NBPF15: variants seen among roughly 807,000 people sequenced by gnomAD.
NBPF15 encodes the protein NBPF member 15, also known as NBPF family member NBPF15.
Under a neutral mutation model 62.2 loss-of-function variants are expected in NBPF15, and 74 were observed. The ratio of observed to expected loss-of-function variants is 1.19; its 90% confidence interval spans 0.99 to 1.44. NBPF15 has a LOEUF of 1.44. Ranked by LOEUF, NBPF15 falls within the 40% of genes most tolerant of loss-of-function variation. NBPF15 has a pLI of 0.00. For missense variants in NBPF15, 790 were observed against 550.0 expected, an observed-to-expected ratio of 1.44 and a Z score of -4.36; for synonymous variants, 244 against 209.7, an observed-to-expected ratio of 1.16 and a Z score of -1.41.
chr1:144,458,764 G>C (rs1287532196), intron 3 of NBPF15, among the ~76,000 whole-genome samples: 1 of 152,180 alleles, frequency 6.6e-6, no homozygotes, highest in African/African-American at 2.4e-5. Context: ...TCATAGCCGG[G>C]TGGGGTGGCT....
chr1:144,441,587 C>A (rs1437987163), intron 6 of NBPF15, among the ~76,000 whole-genome samples: 1 of 148,880 alleles, frequency 6.7e-6, no homozygotes, highest in East Asian at 2.0e-4. Flanking sequence ...CTAGAGATAG[C>A]GTTTAAGTTG....
intron 14 of NBPF15, among the ~76,000 whole-genome samples, chr1:144,429,068 A>C (rs1482910649): frequency 6.6e-6 from 1 of 151,974 alleles, no homozygotes; most frequent in Admixed American, 6.6e-5. Context: ...GGTGCAATGT[A>C]CCAGCTCTTG....
At chr1:144,455,724 G>A (rs1234527039) in intron 4 of NBPF15, among the ~76,000 whole-genome samples, 7 of 152,010 alleles carry the variant, frequency 4.6e-5, no homozygotes, top group Admixed American at 2.0e-4. Flanking sequence ...CCTGGTGGAC[G>A]GCCACGTGAG....
At chr1:144,432,659 C>T (rs1366373807) in intron 13 of NBPF15, among the ~76,000 whole-genome samples, 3 of 151,466 alleles carry the variant, frequency 2.0e-5, no homozygotes, top group Admixed American at 6.6e-5. Flanking sequence ...GGTTGCAATC[C>T]TAGTCTCTGA....
intron 20 of NBPF15, 111 bp from the exon 21 acceptor site, chr1:144,424,086 C>G (rs1342689785): frequency 6.4e-5 from 48 of 754,348 alleles, no homozygotes; most frequent in African/African-American, 3.8e-4. Flanking sequence ...CATAAGAATA[C>G]GACACCATGA....
At chr1:144,432,777 C>T (rs1178488846) in intron 13 of NBPF15, among the ~76,000 whole-genome samples, 50 of 151,796 alleles carry the variant, frequency 3.3e-4, no homozygotes, top group African/African-American at 1.2e-3. Flanking sequence ...ATATATGCAC[C>T]CTATACAGGA....
intron 3 of NBPF15, among the ~76,000 whole-genome samples, chr1:144,457,970 C>A (rs1453121951): frequency 2.0e-5 from 3 of 151,460 alleles, no homozygotes; most frequent in African/African-American, 7.3e-5. Context: ...GCCTGTAGAC[C>A]CAGCTACTAA....
intron 6 of NBPF15, chr1:144,442,513 C>G (rs1455171381): frequency 6.6e-6 from 1 of 150,804 alleles, no homozygotes; most frequent in Non-Finnish European, 1.5e-5. Context: ...CTGCATCGAG[C>G]TCTCCGCCTC....
intron 14 of NBPF15, among the ~76,000 whole-genome samples, chr1:144,429,225 G>C (rs1286003084): frequency 4.0e-5 from 6 of 150,004 alleles, no homozygotes; most frequent in Admixed American, 3.9e-4. Flanking sequence ...CAGAAAATGG[G>C]AATAAATTCA....
At chr1:144,457,142 C>T (rs1648537988) in intron 3 of NBPF15, among the ~76,000 whole-genome samples, 1 of 151,908 alleles carries the variant, frequency 6.6e-6, no homozygotes, top group Non-Finnish European at 1.5e-5. Flanking sequence ...CACCACTGAA[C>T]TCCAGCCTGG....
intron 4 of NBPF15, among the ~76,000 whole-genome samples, chr1:144,453,638 C>CAAAAAAAA (rs200525708): frequency 3.6e-4 from 13 of 36,400 alleles, no homozygotes; most frequent in East Asian, 1.2e-3. Flanking sequence ...CAACACAAAG[C>CAAAAAAAA]AAAAAAAAAA....
chr1:144,457,160 A>G (rs1182011386), intron 3 of NBPF15, among the ~76,000 whole-genome samples: 4 of 152,000 alleles, frequency 2.6e-5, no homozygotes, highest in African/African-American at 9.7e-5. Context: ...TGGGGGAAAA[A>G]AAAATAAAGA....
At chr1:144,442,162 G>GTA (rs368550343) in intron 6 of NBPF15, among the ~76,000 whole-genome samples, 7 of 31,510 alleles carry the variant, frequency 2.2e-4, no homozygotes, top group African/African-American at 4.9e-4. Flanking sequence ...ATATACACGT[G>GTA]TATATATATA....
Position 144,423,041 on chromosome 1 carries a change from A to G in NBPF15, c.1985T>C (p.Phe662Ser), listed in dbSNP as rs782440893. ...TTGTGGGAATATGACTCCCATCTGG[A>G]ACACCAGGTGGAGACTTGTCACCGT... The part of the protein sequence containing the change: ...TLTVTSLHLV[F>S]QMGVIFPQ Residue 662 changes from phenylalanine to serine, a missense_variant, in exon 22 of 22, where the codon TTC (phenylalanine) becomes TCC (serine). By Grantham distance (155) the Phe-to-Ser change is radical. Transcript: ENST00000581897. 6.2e-7 allele frequency: 1 copy of G among 1,611,650 alleles called. No homozygotes were observed. The highest frequency in any genetic ancestry group is 8.5e-7 in the Non-Finnish European group (1 of 1,179,640).
At position 144,422,813 on chromosome 1, in the gene NBPF15, G is replaced by C. The variant is rs1359762456; in HGVS notation, c.*200C>G. On this transcript the variant is annotated 3_prime_UTR_variant, in exon 22 of 22. Coordinates refer to ENST00000581897, the MANE Select transcript of NBPF15 (RefSeq NM_001385408.1). ...GCATGTTCTGCACAGTTATGTGAAC[G>C]TGTCACACCTAACATGGGTCCATTG... The C allele has an allele frequency of 1.5e-6, 2 of 1,319,030 alleles. No homozygotes were observed. The highest frequency in any genetic ancestry group is 2.1e-6 in the Non-Finnish European group (2 of 958,194). The allele number at this position is 1,319,030 out of a possible 1,614,324, so 81.7% of individuals were successfully genotyped here. A position where few individuals can be genotyped will look rare whatever the true frequency, so the allele number is the denominator to read the frequency against.
At position 144,456,579 on chromosome 1, in the gene NBPF15, G is replaced by A. The variant is rs1391209797; in HGVS notation, c.-474C>T. The A allele has an allele frequency of 9.3e-5, 140 of 1,508,902 alleles. 3 individuals carry two copies. The highest frequency in any genetic ancestry group is 1.2e-4 in the Non-Finnish European group (139 of 1,120,678). 93.5% of individuals were successfully genotyped at this position (1,508,902 alleles called of 1,614,324 possible). On this transcript the variant is annotated 5_prime_UTR_variant, in exon 4 of 22. Coordinates refer to ENST00000581897, the MANE Select transcript of NBPF15 (RefSeq NM_001385408.1). ...TCTTCATTCAGCCCACACCGTGTGAGGTTGCTCTTGGTGCACCGAATGGGG... is the reference window on the plus strand; with the variant it reads ...TCTTCATTCAGCCCACACCGTGTGAAGTTGCTCTTGGTGCACCGAATGGGG...
At chr1:144,456,354 C>A (rs1362433322) in intron 4 of NBPF15, among the ~76,000 whole-genome samples, 183 bp downstream of exon 4, 1 of 151,996 alleles carries the variant, frequency 6.6e-6, no homozygotes, top group Non-Finnish European at 1.5e-5. Flanking sequence ...CACTGCAGGT[C>A]GAGGGTGGCA....
chr1:144,430,119 C>T (rs1164485835), intron 13 of NBPF15, among the ~76,000 whole-genome samples: 1 of 150,488 alleles, frequency 6.6e-6, no homozygotes, highest in Admixed American at 6.6e-5. Context: ...CAGACTCTCC[C>T]TGTAAACTAC....
chr1:144,439,725 A>C, intron 8 of NBPF15, 104 bp downstream of exon 8: 1 of 812,018 alleles, frequency 1.2e-6, no homozygotes, highest in Non-Finnish European at 2.1e-6. Flanking sequence ...TCCTAGAAGT[A>C]CAGGAAGGAT....
Sources: allele counts gnomAD v4.1 joint callset (sites outside exome capture counted in the v4.1 genomes callset), GRCh38; gene constraint gnomAD v4.1.1; transcripts MANE v1.5; gene names NCBI Gene and HGNC (gene_info 2026-07-23, HGNC 2026-07-21).